The following FAM53A variants were observed in gnomAD, a reference collection of about 807,000 sequenced individuals.
FAM53A encodes the protein family with sequence similarity 53 member A.
Under a neutral mutation model 26.6 loss-of-function variants are expected in FAM53A, and 28 were observed. The ratio of observed to expected loss-of-function variants is 1.05; its 90% confidence interval spans 0.78 to 1.45. The LOEUF (loss-of-function observed/expected upper bound fraction) is 1.45, where lower values mean the gene tolerates loss of function less well. FAM53A is among the 40% of genes most tolerant of loss of function. The pLI, the probability that FAM53A is intolerant of heterozygous loss-of-function variation, is 0.00. For synonymous variants in FAM53A, 290 were observed against 253.1 expected, an observed-to-expected ratio of 1.15 and a Z score of -1.38; for missense variants, 650 against 575.8, an observed-to-expected ratio of 1.13 and a Z score of -1.32.
chr4:1,590,955 C>CATATATACATATATATATATATAT, the FAM53A span, among the ~76,000 whole-genome samples: 1 of 46,280 alleles, frequency 2.2e-5, no homozygotes, highest in African/African-American at 6.7e-5. Context: ...TTATTTAATG[C>CATATATACATATATATATATATAT]ATATATATAT....
chr4:1,655,752 G>C (rs756684053), intron 3 of FAM53A, 29 bp from the exon 4 acceptor site: 1 of 1,512,106 alleles, frequency 6.6e-7, no homozygotes. Context: ...AGAGGCAGGG[G>C]AAGAGACAGG....
intron 1 of FAM53A, among the ~76,000 whole-genome samples, chr4:1,681,295 G>A (rs977698502): frequency 1.3e-5 from 2 of 151,618 alleles, no homozygotes; most frequent in Admixed American, 6.6e-5. Flanking sequence ...ACGGGGTTTC[G>A]CCATGTTGGC....
chr4:1,622,900 G>A (rs1383234489), intron 1 of FAM53A, among the ~76,000 whole-genome samples: 6 of 152,234 alleles, frequency 3.9e-5, no homozygotes, highest in Admixed American at 2.6e-4. Flanking sequence ...GGGAAGGGGA[G>A]GCCACACGCA....
the FAM53A span, among the ~76,000 whole-genome samples, chr4:1,596,857 G>A: frequency 0.82 from 124,714 of 152,088 alleles, 51,266 homozygotes; most frequent in Admixed American, 0.86. Context: ...AGACAGAGAC[G>A]GAGTGGGGAG....
chr4:1,648,834 C>G (rs1480058554), intron 4 of FAM53A, among the ~76,000 whole-genome samples: 1 of 152,150 alleles, frequency 6.6e-6, no homozygotes, highest in African/African-American at 2.4e-5. Flanking sequence ...CGGGGCAAGC[C>G]GGGAGTGGTG....
intron 1 of FAM53A, among the ~76,000 whole-genome samples, chr4:1,627,055 C>G (rs1254310506): frequency 6.6e-6 from 1 of 152,192 alleles, no homozygotes; most frequent in East Asian, 1.9e-4. Flanking sequence ...GGCACAGGAC[C>G]AAGCGTGGCC....
At chr4:1,666,347 C>A (rs1714232660) in intron 2 of FAM53A, among the ~76,000 whole-genome samples, 1 of 144,092 alleles carries the variant, frequency 6.9e-6, no homozygotes. Flanking sequence ...TGCACCTGCA[C>A]CCCCTGTATC....
chr4:1,635,525 GT>G (rs1048080416), downstream of FAM53A, among the ~76,000 whole-genome samples: 1 of 152,222 alleles, frequency 6.6e-6, no homozygotes, highest in African/African-American at 2.4e-5. Context: ...CCTCCCCGCT[GT>G]TGGCCTTCCA....
chr4:1,672,793 A>C, intron 1 of FAM53A, among the ~76,000 whole-genome samples: 2 of 109,370 alleles, frequency 1.8e-5, no homozygotes, highest in Non-Finnish European at 1.7e-5. Flanking sequence ...TTTTTGAGGC[A>C]GAGTCTTTCT....
chr4:1,638,205 C>A (rs1351640883), downstream of FAM53A, among the ~76,000 whole-genome samples: 2 of 152,132 alleles, frequency 1.3e-5, no homozygotes. Context: ...GTCCTGGCCC[C>A]CCATTCCAGG....
At chr4:1,677,573 T>G (rs1472419255) in intron 1 of FAM53A, among the ~76,000 whole-genome samples, 1 of 152,214 alleles carries the variant, frequency 6.6e-6, no homozygotes, top group African/African-American at 2.4e-5. Context: ...TCAGCTCCCT[T>G]AGTCTTCTCT....
At chr4:1,614,701 G>A (rs367807677), downstream of FAM53A, among the ~76,000 whole-genome samples, 45 of 152,242 alleles carry the variant, frequency 3.0e-4, no homozygotes, top group Admixed American at 1.5e-3. Flanking sequence ...GGTTCCTGCC[G>A]CCTCCGGTCA....
chr4:1,577,818 T>A, the FAM53A span, among the ~76,000 whole-genome samples: 2 of 152,152 alleles, frequency 1.3e-5, no homozygotes, highest in African/African-American at 4.8e-5. Context: ...GACAGCCTTG[T>A]CCAATGTCGG....
chr4:1,657,197 C>G (rs1214250560), intron 3 of FAM53A, among the ~76,000 whole-genome samples: 1 of 152,258 alleles, frequency 6.6e-6, no homozygotes, highest in Non-Finnish European at 1.5e-5. Flanking sequence ...GCACCCTACA[C>G]GAGCCGTCCT....
At chr4:1,671,308 A>C in intron 1 of FAM53A, among the ~76,000 whole-genome samples, 2 of 117,512 alleles carry the variant, frequency 1.7e-5, no homozygotes, top group Admixed American at 9.3e-5. Context: ...CACGGCCCGG[A>C]CTCACCTCTG....
chr4:1,629,584 C>T (rs115355231), intron 1 of FAM53A, among the ~76,000 whole-genome samples: 3,973 of 152,296 alleles, frequency 0.026, 195 homozygotes, highest in African/African-American at 0.09. Context: ...CCTGTGGCTG[C>T]CCGCACGGGT....
the FAM53A span, among the ~76,000 whole-genome samples, chr4:1,604,713 A>T: frequency 6.6e-6 from 1 of 151,786 alleles, no homozygotes; most frequent in Non-Finnish European, 1.5e-5. Context: ...CGGGACTAAC[A>T]TTGCTCCCAC....
At chr4:1,638,685 G>A (rs957477711), downstream of FAM53A, among the ~76,000 whole-genome samples, 2 of 152,054 alleles carry the variant, frequency 1.3e-5, no homozygotes, top group African/African-American at 2.4e-5. Flanking sequence ...GGGGTGGGGG[G>A]CGGCTGGTGA....
At chr4:1,606,274 T>C in the FAM53A span, among the ~76,000 whole-genome samples, 1 of 151,806 alleles carries the variant, frequency 6.6e-6, no homozygotes, top group Non-Finnish European at 1.5e-5. Context: ...CTTGATCTCC[T>C]GACCTCATGA....
Sources: allele counts gnomAD v4.1 joint callset (sites outside exome capture counted in the v4.1 genomes callset), GRCh38; gene constraint gnomAD v4.1.1; transcripts MANE v1.5; gene names NCBI Gene and HGNC (gene_info 2026-07-23, HGNC 2026-07-21).